ANKRD17: variants seen among roughly 807,000 people sequenced by gnomAD.
The protein encoded by ANKRD17 is ankyrin repeat domain 17.
A neutral mutation model predicts 229.7 loss-of-function variants in ANKRD17; 19 were observed. That is an observed-to-expected ratio of 0.08 (90% CI 0.06 to 0.12). ANKRD17 has a LOEUF of 0.12. Among genes scored for constraint, ANKRD17 ranks in the 10% least tolerant of loss-of-function variants. The pLI, the probability that ANKRD17 is intolerant of heterozygous loss-of-function variation, is 1.00. For synonymous variants in ANKRD17, 1,112 were observed against 1,146.1 expected (o/e 0.97, Z 0.60); for missense variants, 2,176 against 3,176.8 (o/e 0.68, Z 7.57).
intron 29 of ANKRD17, among the ~76,000 whole-genome samples, chr4:73,086,299 C>T (rs1012856977): frequency 4.0e-5 from 6 of 151,776 alleles, no homozygotes; most frequent in African/African-American, 1.2e-4. Context: ...ATTTCAAAAA[C>T]GAATGTATGT....
intron 1 of ANKRD17, among the ~76,000 whole-genome samples, chr4:73,234,124 CTTCT>C (rs1431295605): frequency 1.3e-5 from 2 of 152,078 alleles, no homozygotes; most frequent in East Asian, 1.9e-4. Flanking sequence ...ATTTTCCATG[CTTCT>C]TTAATTTTCC....
In ANKRD17 at chr4:73,146,833, T is replaced by A. The variant is rs1261224467; in HGVS notation, c.1800A>T (p.Ala600=). 5 of 1,613,018 alleles carry A rather than the reference T, an allele frequency of 3.1e-6. No individual in the cohort carries two copies. In the South Asian group the frequency reaches 3.3e-5, roughly 11 times the overall value. Reference sequence around the variant, plus strand: ...GACCATTTTCACAGGCATATGTTAGTGCTGTATCCCCTGTTGCTGTTGTTG... The same window carrying A: ...GACCATTTTCACAGGCATATGTTAGAGCTGTATCCCCTGTTGCTGTTGTTG... ...VHATTATGDT[A]LTYACENGHT... Residue 600 remains alanine, a synonymous_variant, in exon 10 of 34, where the codon GCA becomes GCT. Coordinates refer to ENST00000358602, the MANE Select transcript of ANKRD17 (RefSeq NM_032217.5).
At chr4:73,237,127 T>C (rs1743579960) in intron 1 of ANKRD17, among the ~76,000 whole-genome samples, 1 of 152,192 alleles carries the variant, frequency 6.6e-6, no homozygotes, top group Admixed American at 6.5e-5. Flanking sequence ...AAACTTCTGC[T>C]TATGGTAGTG....
At chr4:73,200,575 A>AAATT (rs900727302) in intron 1 of ANKRD17, among the ~76,000 whole-genome samples, 2 of 152,138 alleles carry the variant, frequency 1.3e-5, no homozygotes, top group African/African-American at 4.8e-5. Flanking sequence ...CCACTGCTTA[A>AAATT]AAGATTAAAA....
rs184838677 is a variant in ANKRD17 at position 73,224,899 on chromosome 4, A to G, written c.393+33377T>C. ...TCCCTGTGATAATCTCATTTTACGA[A>G]TAAGGGAACCAAGTATCAGACAGGG... On this transcript the variant is annotated intron_variant, in intron 1 of 33. Transcript: ENST00000358602. 8.7e-4 allele frequency among the ~76,000 whole-genome samples: 132 copies of G among 152,344 alleles called. 2 individuals carry two copies. The highest frequency in any genetic ancestry group is 2.1e-4 in the Non-Finnish European group (14 of 68,034).
intron 1 of ANKRD17, among the ~76,000 whole-genome samples, chr4:73,231,114 T>A (rs764528499): frequency 1.3e-5 from 2 of 152,030 alleles, no homozygotes; most frequent in African/African-American, 2.4e-5. Flanking sequence ...AAAGCAAATA[T>A]CTACCAACAG....
At chr4:73,171,604 A>G (rs978439255) in intron 2 of ANKRD17, among the ~76,000 whole-genome samples, 2 of 152,268 alleles carry the variant, frequency 1.3e-5, no homozygotes, top group African/African-American at 4.8e-5. Flanking sequence ...AGAAACACAG[A>G]TATGTGACCT....
intron 1 of ANKRD17, among the ~76,000 whole-genome samples, chr4:73,208,137 A>C (rs1192630232): frequency 7.0e-6 from 1 of 143,338 alleles, no homozygotes; most frequent in Non-Finnish European, 1.5e-5. Context: ...TGCAGTGAGC[A>C]GAGATCGGGC....
At chr4:73,104,802 T>C (rs1486644243) in intron 24 of ANKRD17, among the ~76,000 whole-genome samples, 2 of 152,096 alleles carry the variant, frequency 1.3e-5, no homozygotes, top group Non-Finnish European at 2.9e-5. Flanking sequence ...ATAAGAGTTT[T>C]AATTCAGAAA....
Position 73,089,045 on chromosome 4 carries a change from ATTTT to A in ANKRD17, c.6961+1618_6961+1621del, listed in dbSNP as rs200390909. 2.8e-5 allele frequency among the ~76,000 whole-genome samples: 4 copies of A among 143,648 alleles called. No homozygotes were observed. In the Admixed American group the frequency reaches 2.8e-4, roughly 10 times the overall value. 94.2% of individuals were successfully genotyped at this position (143,648 alleles called of 152,430 possible). On this transcript the variant is annotated intron_variant, in intron 29 of 33. Transcript: ENST00000358602. ...TGTGTTGCATGTTTATTCTTTTTAA[ATTTT>A]TTTTTTTTTTTTTGAGACAGGGTCT...
intron 1 of ANKRD17, among the ~76,000 whole-genome samples, chr4:73,193,907 G>A (rs1737478933): frequency 6.6e-6 from 1 of 152,070 alleles, no homozygotes; most frequent in Admixed American, 6.5e-5. Context: ...ACTCTAGCCT[G>A]GGTGACAGAG....
Position 73,258,476 on chromosome 4 carries a change from T to G in ANKRD17, c.193A>C (p.Lys65Gln), listed in dbSNP as rs753113106. The change falls in exon 1 of 34, where the codon AAG becomes CAG. Residue 65 changes from lysine (K) to glutamine (Q), a missense_variant. By Grantham distance (53) the Lys-to-Gln change is moderately conservative (BLOSUM62 1). This residue lies in a region of ANKRD17 where 196 missense variants were observed against 190.0 expected (regional missense o/e 1.03). Transcript: ENST00000358602. ...VRVCDLLLKKKPPQQQHHKAK... is the reference protein window; with the variant it reads ...VRVCDLLLKKQPPQQQHHKAK... Reference sequence around the variant, plus strand: ...TTGTGGTGCTGCTGCTGCGGCGGCTTCTTCTTCAGGAGCAGGTCGCAGACT... The same window carrying G: ...TTGTGGTGCTGCTGCTGCGGCGGCTGCTTCTTCAGGAGCAGGTCGCAGACT... 5.0e-6 allele frequency: 8 copies of G among 1,593,224 alleles called. No homozygotes were observed. In the South Asian group the frequency reaches 5.6e-5, roughly 11 times the overall value.
At chr4:73,189,542 G>A (rs1336403666) in intron 1 of ANKRD17, among the ~76,000 whole-genome samples, 2 of 151,510 alleles carry the variant, frequency 1.3e-5, no homozygotes, top group Admixed American at 6.6e-5. Flanking sequence ...GACTACAGGC[G>A]GTCACCACCA....
intron 29 of ANKRD17, among the ~76,000 whole-genome samples, chr4:73,086,589 AT>A (rs1044313759): frequency 4.2e-4 from 61 of 146,966 alleles, no homozygotes; most frequent in African/African-American, 4.7e-4. Context: ...ATTGTCAACG[AT>A]TTTTTTTTTT....
At position 73,133,640 on chromosome 4, in the gene ANKRD17, C is replaced by T. The variant is rs367802422; in HGVS notation, c.3234+1477G>A. Among the ~76,000 whole-genome samples the T allele has an allele frequency of 4.7e-4, 72 of 151,926 alleles. 1 individual carries two copies. The East Asian group carries it at 0.013, about 26-fold the overall frequency. ...AACTCCTGACCTCAGGTGATCCGCC[C>T]GCCTCAGCCTCCCAAAGTGCTGGGA... On this transcript the variant is annotated intron_variant, in intron 16 of 33. Transcript: ENST00000358602.
rs1725464079 is a variant in ANKRD17, at chr4:73,112,720, T to A, written c.4401+1072A>T. ...GTCAAAAAACGCATATGCATAATTA[T>A]CACTGCATCTCCTTTATAAATTTAA... is the stretch of plus-strand genomic sequence containing the variant. On this transcript the variant is annotated intron_variant, in intron 24 of 33. Transcript: ENST00000358602. The A allele has an allele frequency of 3.9e-6, 3 of 773,398 alleles. No individual in the cohort carries two copies. In the African/African-American group the frequency reaches 5.7e-5, roughly 15 times the overall value. The allele number at this position is 773,398 out of a possible 1,614,324, so 47.9% of individuals were successfully genotyped here.
chr4:73,214,315 A>C (rs753626779), intron 1 of ANKRD17, among the ~76,000 whole-genome samples: 1 of 152,204 alleles, frequency 6.6e-6, no homozygotes, highest in Non-Finnish European at 1.5e-5. Context: ...AATCAAGCAG[A>C]CTTGTCTAAA....
At position 73,098,909 on chromosome 4, in the gene ANKRD17, C is replaced by T. The variant is rs1317205086; in HGVS notation, c.4574-389G>A. 9.9e-6 allele frequency: 11 copies of T among 1,105,546 alleles called. No individual in the cohort carries two copies. The East Asian group carries it at 1.2e-4, about 12-fold the overall frequency. The allele number at this position is 1,105,546 out of a possible 1,614,324, so 68.5% of individuals were successfully genotyped here. ...TGAGAAGCGGGGCCGGGGCAGGCCC[C>T]GCAAGCAGCCTCTGGTGAGTTCCGG... On this transcript the variant is annotated intron_variant, in intron 25 of 33. Transcript: ENST00000358602.
chr4:73,186,044 C>T (rs1024514755), intron 1 of ANKRD17, among the ~76,000 whole-genome samples: 1 of 151,840 alleles, frequency 6.6e-6, no homozygotes, highest in African/African-American at 2.4e-5. Flanking sequence ...TCTTTGAATA[C>T]TGATAAGCAG....
Sources: gnomAD v4.1 joint callset for allele counts (sites outside exome capture counted in the v4.1 genomes callset) on GRCh38, gnomAD v4.1.1 for gene constraint, gnomAD v4.1.1 regional missense constraint, MANE v1.5 for transcripts, NCBI Gene and HGNC (gene_info 2026-07-23, HGNC 2026-07-21) for gene names.